The following LHFPL6 variants were observed in gnomAD, a reference collection of about 807,000 sequenced individuals.
LHFPL6 encodes LHFPL tetraspan subfamily member 6 protein.
A neutral mutation model predicts 20.6 loss-of-function variants in LHFPL6; 9 were observed. The observed-to-expected ratio is 0.44, with a 90% CI of 0.26 to 0.76. The LOEUF is 0.76. LHFPL6 is among the 30% of genes least tolerant of loss of function. The probability of loss-of-function intolerance (pLI) is 0.20; values close to 1 mark genes in which losing one functional copy is unlikely to be tolerated. For missense variants in LHFPL6, 218 were observed against 253.5 expected, an observed-to-expected ratio of 0.86 and a Z score of 0.95; for synonymous variants, 105 against 98.7, an observed-to-expected ratio of 1.06 and a Z score of -0.38.
intron 2 of LHFPL6, 24 bp from the exon 3 acceptor site, chr13:39,378,550 G>T (rs764817830): frequency 5.8e-6 from 9 of 1,561,390 alleles, no homozygotes; most frequent in Non-Finnish European, 7.9e-6. Flanking sequence ...AGACAAGAGG[G>T]CTTTACCAGT....
chr13:39,423,158 A>T (rs1400882130), intron 2 of LHFPL6, among the ~76,000 whole-genome samples: 2 of 152,180 alleles, frequency 1.3e-5, no homozygotes, highest in Non-Finnish European at 2.9e-5. Context: ...CAAAGAAAGG[A>T]TGCTACTTGT....
chr13:39,496,803 G>T (rs991659875), intron 2 of LHFPL6, among the ~76,000 whole-genome samples: 3 of 152,164 alleles, frequency 2.0e-5, no homozygotes, highest in Admixed American at 2.0e-4. Flanking sequence ...GGTGGCAGGT[G>T]CCAGAGGCAT....
chr13:39,395,167 G>A (rs1468454705), intron 2 of LHFPL6, among the ~76,000 whole-genome samples: 1 of 152,124 alleles, frequency 6.6e-6, no homozygotes, highest in African/African-American at 2.4e-5. Context: ...TCAGATAAAT[G>A]CCTCCTTTTT....
In LHFPL6 at chr13:39,355,027, G is replaced by A. The variant is rs1295306808; in HGVS notation, c.485-10973C>T. ...AAATTTCCACAATCTCACTAGGGAA[G>A]TCAACATTCAAATTCAAAAAATTCT... On this transcript the variant is annotated intron_variant, in intron 3 of 3. Coordinates refer to ENST00000379589, the MANE Select transcript of LHFPL6 (RefSeq NM_005780.3). Among the ~76,000 whole-genome samples, 4 of 149,868 alleles carry A rather than the reference G, an allele frequency of 2.7e-5. No individual in the cohort carries two copies. In the East Asian group the frequency reaches 7.8e-4, roughly 29 times the overall value.
chr13:39,369,601 C>CCCTCCCTCCCTCCTTCCTTCCTTCCTT (rs1566095675), intron 3 of LHFPL6, among the ~76,000 whole-genome samples: 6 of 25,284 alleles, frequency 2.4e-4, no homozygotes, highest in South Asian at 1.6e-3. Flanking sequence ...CTTCCTTCCT[C>CCCTCCCTCCCTCCTTCCTTCCTTCCTT]CCTCTCTCCC....
At chr13:39,390,382 C>T (rs539327432) in intron 2 of LHFPL6, among the ~76,000 whole-genome samples, 8 of 152,084 alleles carry the variant, frequency 5.3e-5, no homozygotes, top group Non-Finnish European at 1.0e-4. Flanking sequence ...CCTGTAGTCC[C>T]GACTACTAAG....
At chr13:39,519,934 A>G (rs2138484383) in intron 2 of LHFPL6, among the ~76,000 whole-genome samples, 1 of 152,252 alleles carries the variant, frequency 6.6e-6, no homozygotes, top group Non-Finnish European at 1.5e-5. Flanking sequence ...TGGTTCACAC[A>G]CTAACCACCG....
At position 39,362,963 on chromosome 13, in the gene LHFPL6, G is replaced by A. The variant is rs61945291; in HGVS notation, c.484+15465C>T. Among the ~76,000 whole-genome samples the A allele has an allele frequency of 3.2e-3, 491 of 152,280 alleles. 3 individuals are homozygous for A. The highest frequency in any genetic ancestry group is 9.1e-3 in the South Asian group (44 of 4,820). On this transcript the variant is annotated intron_variant, in intron 3 of 3. Coordinates refer to ENST00000379589, the MANE Select transcript of LHFPL6 (RefSeq NM_005780.3). Reference sequence around the variant, plus strand: ...GCCCAGAGGATGAGGGAAACACATCGGGGCACAGAGCCCATTTTCCTCCAC... The same window carrying A: ...GCCCAGAGGATGAGGGAAACACATCAGGGCACAGAGCCCATTTTCCTCCAC...
At chr13:39,494,028 T>A (rs1002186927) in intron 2 of LHFPL6, among the ~76,000 whole-genome samples, 7 of 152,210 alleles carry the variant, frequency 4.6e-5, no homozygotes, top group Non-Finnish European at 2.9e-5. Flanking sequence ...GTTAATCTCA[T>A]CAGCTCCCCA....
chr13:39,371,681 G>A (rs1190047135), intron 3 of LHFPL6, among the ~76,000 whole-genome samples: 1 of 152,180 alleles, frequency 6.6e-6, no homozygotes, highest in South Asian at 2.1e-4. Context: ...AGAAAGAAAA[G>A]ACTAAAATGC....
At chr13:39,438,605 C>T (rs1872026736) in intron 2 of LHFPL6, among the ~76,000 whole-genome samples, 1 of 152,162 alleles carries the variant, frequency 6.6e-6, no homozygotes, top group South Asian at 2.1e-4. Context: ...TATCACAGGC[C>T]CAGAGGCCAA....
In LHFPL6 at chr13:39,455,290, C is replaced by T. The variant is rs537702993; in HGVS notation, c.386-76764G>A. Among the ~76,000 whole-genome samples the T allele has an allele frequency of 2.0e-4, 30 of 152,246 alleles. No homozygotes were observed. In the South Asian group the frequency reaches 6.2e-3, roughly 32 times the overall value. On this transcript the variant is annotated intron_variant, in intron 2 of 3. Coordinates refer to ENST00000379589, the MANE Select transcript of LHFPL6 (RefSeq NM_005780.3). Reference sequence around the variant, plus strand: ...AGCTACAGCCGGGCCGGCGGCAACCCCTCATCCTGACCTGAAAACTGGGTT... The same window carrying T: ...AGCTACAGCCGGGCCGGCGGCAACCTCTCATCCTGACCTGAAAACTGGGTT...
chr13:39,582,432 A>G (rs1461455928), intron 2 of LHFPL6, among the ~76,000 whole-genome samples: 2 of 152,164 alleles, frequency 1.3e-5, no homozygotes, highest in Non-Finnish European at 2.9e-5. Flanking sequence ...TAAGGAAATC[A>G]ATGCAGAGCC....
At chr13:39,389,813 CA>C (rs972403417) in intron 2 of LHFPL6, among the ~76,000 whole-genome samples, 14 of 152,144 alleles carry the variant, frequency 9.2e-5, no homozygotes, top group African/African-American at 2.9e-4. Context: ...TAAAATTACC[CA>C]AGACAGTGCA....
intron 2 of LHFPL6, among the ~76,000 whole-genome samples, chr13:39,494,356 C>A (rs1869029606): frequency 1.3e-5 from 2 of 152,294 alleles, no homozygotes; most frequent in South Asian, 4.1e-4. Flanking sequence ...GGGAAATAAT[C>A]ATTAAGGACT....
intron 2 of LHFPL6, among the ~76,000 whole-genome samples, chr13:39,512,304 T>C (rs954575914): frequency 6.6e-6 from 1 of 152,060 alleles, no homozygotes; most frequent in Non-Finnish European, 1.5e-5. Context: ...AGGTCAAACA[T>C]ACAAGAAATC....
chr13:39,562,407 C>CATGT (rs1401360857), intron 2 of LHFPL6, among the ~76,000 whole-genome samples: 2 of 70,186 alleles, frequency 2.8e-5, no homozygotes, highest in Non-Finnish European at 5.6e-5. Context: ...TACATATATA[C>CATGT]ACATATACAC....
intron 2 of LHFPL6, among the ~76,000 whole-genome samples, chr13:39,412,475 C>T (rs1348378160): frequency 2.0e-5 from 3 of 152,194 alleles, no homozygotes; most frequent in Non-Finnish European, 4.4e-5. Flanking sequence ...CTAAAAATAG[C>T]AGCTAGCAAT....
Position 39,451,926 on chromosome 13 carries a change from A to ATG in LHFPL6, c.386-73402_386-73401dup, listed in dbSNP as rs746664779. Among the ~76,000 whole-genome samples the ATG allele has an allele frequency of 1.4e-3, 219 of 151,270 alleles. 1 individual carries two copies. Among genetic ancestry groups the ATG allele is most frequent in the South Asian group, 7.7e-3 (37 of 4,798 alleles). On this transcript the variant is annotated intron_variant, in intron 2 of 3. Transcript: ENST00000379589. Reference sequence around the variant, plus strand: ...GCAGAAGTGTAAAACTACAGGAAATATGTGTGTGTGTGTGTGTGTGTGCGC... The same window carrying ATG: ...GCAGAAGTGTAAAACTACAGGAAATATGTGTGTGTGTGTGTGTGTGTGTGCGC...
Sources: allele counts gnomAD v4.1 joint callset (sites outside exome capture counted in the v4.1 genomes callset), GRCh38; gene constraint gnomAD v4.1.1; transcripts MANE v1.5; gene names NCBI Gene and HGNC (gene_info 2026-07-23, HGNC 2026-07-21).